FAM234B: variants seen among roughly 807,000 people sequenced by gnomAD.
FAM234B encodes protein FAM234B.
In FAM234B, 33 loss-of-function variants were observed where a neutral mutation model predicts 69.3. That is an observed-to-expected ratio of 0.48 (90% CI 0.36 to 0.64). The LOEUF (loss-of-function observed/expected upper bound fraction) is 0.64, where lower values mean the gene tolerates loss of function less well. Among genes scored for constraint, FAM234B ranks in the 30% least tolerant of loss-of-function variants. The probability of loss-of-function intolerance (pLI) is 0.00; values close to 1 mark genes in which losing one functional copy is unlikely to be tolerated. For synonymous variants in FAM234B, 306 were observed against 306.9 expected, an observed-to-expected ratio of 1.00 and a Z score of 0.03; for missense variants, 697 against 769.7, an observed-to-expected ratio of 0.91 and a Z score of 1.12.
At chr12:13,069,600 G>C (rs1191137605) in intron 9 of FAM234B, among the ~76,000 whole-genome samples, 1 of 152,184 alleles carries the variant, frequency 6.6e-6, no homozygotes, top group Non-Finnish European at 1.5e-5. Flanking sequence ...ATGGAGTGCA[G>C]GCGAGCTGGA....
At position 13,071,257 on chromosome 12, in the gene FAM234B, G is replaced by A; in HGVS notation, c.1385G>A (p.Gly462Asp). Residue 462 changes from glycine to aspartate, a missense_variant, in exon 10 of 13, where the codon GGT (glycine) becomes GAT (aspartate). Gly to Asp is a moderately conservative substitution (Grantham distance 94). Transcript: ENST00000197268. ...VGMKKMMVVD[G>D]DSGSIVWSYR... is the part of the protein sequence containing the mutation. ...CTTTTGTAGATGATGGTTGTGGATG[G>A]TGACTCTGGCTCCATTGTTTGGAGT... 1 of 1,614,158 alleles carries A rather than the reference G, an allele frequency of 6.2e-7. No individual in the cohort carries two copies. Among genetic ancestry groups the A allele is most frequent in the Non-Finnish European group, 8.5e-7 (1 of 1,180,024 alleles).
chr12:13,077,594 CA>C (rs1267144235), intron 11 of FAM234B, among the ~76,000 whole-genome samples: 1 of 151,886 alleles, frequency 6.6e-6, no homozygotes, highest in Non-Finnish European at 1.5e-5. Flanking sequence ...CTACAAAGGA[CA>C]TGAACTCATC....
chr12:13,054,622 A>T (rs759119882), intron 1 of FAM234B, among the ~76,000 whole-genome samples: 1 of 152,218 alleles, frequency 6.6e-6, no homozygotes, highest in African/African-American at 2.4e-5. Context: ...TAGAGTTTAC[A>T]TTAGTGATAG....
intron 5 of FAM234B, among the ~76,000 whole-genome samples, chr12:13,063,888 T>C (rs997921497): frequency 6.6e-6 from 1 of 152,264 alleles, no homozygotes; most frequent in Non-Finnish European, 1.5e-5. Flanking sequence ...TGGCTAATTT[T>C]GTCTCATTTG....
Position 13,055,621 on chromosome 12 carries a change from T to A in FAM234B, c.108T>A (p.Asp36Glu). 1.2e-6 allele frequency: 2 copies of A among 1,614,176 alleles called. No individual in the cohort carries two copies. The highest frequency in any genetic ancestry group is 1.7e-6 in the Non-Finnish European group (2 of 1,180,026). The change falls in exon 2 of 13, where the codon GAT becomes GAA. Residue 36 changes from aspartate (D) to glutamate (E), a missense_variant. Transcript: ENST00000197268. ...CTGACAGTGATGAGAGCGAAGACGA[T>A]CTGGTGCTTAACCTGCAGAAGAATG... is the stretch of plus-strand genomic sequence containing the variant. ...TQADSDESED[D>E]LVLNLQKNGG...
chr12:13,049,901 A>C (rs1379839540), intron 1 of FAM234B, among the ~76,000 whole-genome samples: 2 of 151,450 alleles, frequency 1.3e-5, no homozygotes, highest in Non-Finnish European at 2.9e-5. Context: ...CTCCTTTCTG[A>C]TTATTACTTA....
rs3741818 is a variant in FAM234B, at chr12:13,061,603, A to T, written c.561A>T (p.Val187=). Residue 187 remains valine (V), a synonymous_variant, in exon 4 of 13, where the codon GTA becomes GTT. Coordinates refer to ENST00000197268, the MANE Select transcript of FAM234B (RefSeq NM_020853.2). ...VGVSRPAANL[V]CLSGMNGSTL... ...TCTCAAGACCAGCTGCTAATCTTGT[A>T]TGCCTTTCGGGGATGAATGGCAGCA... is the stretch of plus-strand genomic sequence containing the variant. The T allele has an allele frequency of 1.2e-6, 2 of 1,613,004 alleles. No individual in the cohort carries two copies. Among genetic ancestry groups the T allele is most frequent in the East Asian group, 2.2e-5 (1 of 44,800 alleles).
rs775429873 is a variant in FAM234B at position 13,080,676 on chromosome 12, C to T, written c.*46C>T. On this transcript the variant is annotated 3_prime_UTR_variant, in exon 13 of 13. Coordinates refer to ENST00000197268, the MANE Select transcript of FAM234B (RefSeq NM_020853.2). Reference sequence around the variant, plus strand: ...CAGAAGAAGTGAACAGAGTGGATACCCTCTCTACTCTCCTGTCACTGTAAA... The same window carrying T: ...CAGAAGAAGTGAACAGAGTGGATACTCTCTCTACTCTCCTGTCACTGTAAA... 2 of 1,487,500 alleles carry T rather than the reference C, an allele frequency of 1.3e-6. No individual in the cohort carries two copies. Among genetic ancestry groups the T allele is most frequent in the Non-Finnish European group, 1.9e-6 (2 of 1,066,536 alleles). 92.1% of individuals were successfully genotyped at this position (1,487,500 alleles called of 1,614,324 possible).
chr12:13,068,068 TTTTC>T (rs1865059737), intron 7 of FAM234B, among the ~76,000 whole-genome samples: 1 of 152,220 alleles, frequency 6.6e-6, no homozygotes, highest in Non-Finnish European at 1.5e-5. Context: ...ACTGTAGCAC[TTTTC>T]CTGTGAGTTC....
In FAM234B at chr12:13,044,513, C is replaced by A. The variant is rs1313577996; in HGVS notation, c.37+73C>A. The A allele has an allele frequency of 8.0e-6, 12 of 1,498,822 alleles. No homozygotes were observed. In the Admixed American group the frequency reaches 1.2e-4, roughly 15 times the overall value. 92.8% of individuals were successfully genotyped at this position (1,498,822 alleles called of 1,614,324 possible). A position where few individuals can be genotyped will look rare whatever the true frequency, so the allele number is the denominator to read the frequency against. On this transcript the variant is annotated intron_variant, in intron 1 of 12. Transcript: ENST00000197268. The surrounding 1 kb of genome is among the most constrained non-coding windows in gnomAD (Gnocchi z 5.6). ...ATAAGGGGAGGCGAGGCTCTGGGGG[C>A]GAGGCCGGTCGGGCCCTGGCCTCAA...
Position 13,070,194 on chromosome 12 carries a change from TATATATATATATATATAA to T in FAM234B, c.1369-1045_1369-1028del, listed in dbSNP as rs1426507841. ...AAAGATATATATATATATATATATA[TATATATATATATATATAA>T]AATGAAATATGTGTTTGAGTGGATA... On this transcript the variant is annotated intron_variant, in intron 9 of 12. Coordinates refer to ENST00000197268, the MANE Select transcript of FAM234B (RefSeq NM_020853.2). Among the ~76,000 whole-genome samples, 6 of 114,066 alleles carry T rather than the reference TATATATATATATATATAA, an allele frequency of 5.3e-5. No individual in the cohort carries two copies. In the East Asian group the frequency reaches 2.2e-3, roughly 42 times the overall value. 74.8% of individuals were successfully genotyped at this position (114,066 alleles called of 152,430 possible).
intron 1 of FAM234B, among the ~76,000 whole-genome samples, chr12:13,049,136 A>G (rs1864845402): frequency 6.6e-6 from 1 of 152,190 alleles, no homozygotes; most frequent in South Asian, 2.1e-4. Flanking sequence ...GAAAGTGAAG[A>G]CAGTAATGTG....
intron 4 of FAM234B, chr12:13,062,551 C>T: frequency 3.9e-6 from 1 of 258,314 alleles, no homozygotes; most frequent in Non-Finnish European, 7.5e-6. Flanking sequence ...AGTTCCCTCA[C>T]CCCAGGCAAG....
Position 13,080,607 on chromosome 12 carries a change from A to G in FAM234B, c.1864-18A>G, listed in dbSNP as rs746904865. The G allele has an allele frequency of 1.9e-6, 3 of 1,601,030 alleles. No homozygotes were observed. Among genetic ancestry groups the G allele is most frequent in the South Asian group, 1.1e-5 (1 of 90,688 alleles). On this transcript the variant is annotated intron_variant, in intron 12 of 12. Coordinates refer to ENST00000197268, the MANE Select transcript of FAM234B (RefSeq NM_020853.2). ...TACCATGAAAAACAATAAAGTCACGATAACTCTTTTTCCATAGATCTAATC... is the reference window on the plus strand; with the variant it reads ...TACCATGAAAAACAATAAAGTCACGGTAACTCTTTTTCCATAGATCTAATC...
chr12:13,058,963 A>G (rs1478561580), intron 3 of FAM234B, among the ~76,000 whole-genome samples: 1 of 152,194 alleles, frequency 6.6e-6, no homozygotes, highest in Non-Finnish European at 1.5e-5. Context: ...AGACTTATAC[A>G]TCTTTACACA....
intron 4 of FAM234B, chr12:13,062,162 G>A (rs969911689): frequency 3.6e-5 from 6 of 165,248 alleles, no homozygotes; most frequent in African/African-American, 1.2e-4. Flanking sequence ...AAGGTTTGTT[G>A]AGGCTTGTTG....
chr12:13,065,648 G>A (rs73068961), intron 5 of FAM234B, among the ~76,000 whole-genome samples: 4,574 of 151,874 alleles, frequency 0.03, 101 homozygotes, highest in Non-Finnish European at 0.05. Flanking sequence ...TTTGAATTTT[G>A]AGTTTGTCAT....
At position 13,062,886 on chromosome 12, in the gene FAM234B, G is replaced by A. The variant is rs369170765; in HGVS notation, c.763G>A (p.Gly255Ser). ...WTLNPNYLSN[G>S]TLAAPVVVLP... Reference sequence around the variant, plus strand: ...TTTAAACCCAAACTACTTGTCCAACGGTACCTTGGCTGCCCCAGTTGTGGT... The same window carrying A: ...TTTAAACCCAAACTACTTGTCCAACAGTACCTTGGCTGCCCCAGTTGTGGT... Residue 255 changes from glycine to serine, a missense_variant, in exon 5 of 13, where the codon GGT becomes AGT. Transcript: ENST00000197268. The A allele has an allele frequency of 4.3e-6, 7 of 1,614,036 alleles. No individual in the cohort carries two copies. The highest frequency in any genetic ancestry group is 2.7e-5 in the African/African-American group (2 of 75,022).
intron 1 of FAM234B, among the ~76,000 whole-genome samples, chr12:13,046,172 G>T (rs1240816362): frequency 2.1e-5 from 2 of 96,544 alleles, no homozygotes; most frequent in Admixed American, 2.1e-4. Flanking sequence ...ATACCACCCT[G>T]AACGCGCCCG....
Sources: allele counts gnomAD v4.1 joint callset (sites outside exome capture counted in the v4.1 genomes callset), GRCh38; gene constraint gnomAD v4.1.1; non-coding constraint Gnocchi (gnomAD v3.1); transcripts MANE v1.5; gene names NCBI Gene and HGNC (gene_info 2026-07-23, HGNC 2026-07-21).